The following ALOX5AP variants were observed in gnomAD, a reference collection of about 807,000 sequenced individuals.
ALOX5AP encodes arachidonate 5-lipoxygenase activating protein.
In ALOX5AP, 9 loss-of-function variants were observed where a neutral mutation model predicts 18.5. That is an observed-to-expected ratio of 0.49 (90% confidence interval 0.29 to 0.85). ALOX5AP has a LOEUF of 0.85. Among genes scored for constraint, ALOX5AP ranks in the 40% least tolerant of loss-of-function variants. The pLI is 0.08. For synonymous variants in ALOX5AP, 81 were observed against 78.6 expected (o/e 1.03, Z -0.16); for missense variants, 172 against 202.5 (o/e 0.85, Z 0.91).
intron 3 of ALOX5AP, among the ~76,000 whole-genome samples, chr13:30,755,538 T>G (rs1024597571): frequency 1.1e-4 from 16 of 152,310 alleles, no homozygotes; most frequent in Non-Finnish European, 1.3e-4. Context: ...TCCAGTCTTT[T>G]GGGTTCCCTG....
At chr13:30,761,609 C>A (rs1476092862) in intron 4 of ALOX5AP, among the ~76,000 whole-genome samples, 3 of 152,214 alleles carry the variant, frequency 2.0e-5, no homozygotes, top group African/African-American at 7.2e-5. Flanking sequence ...CAAAGCACTG[C>A]AGCCTGGGGG....
upstream of ALOX5AP, among the ~76,000 whole-genome samples, chr13:30,734,030 TG>T (rs1223075532): frequency 1.3e-5 from 2 of 152,224 alleles, no homozygotes; most frequent in African/African-American, 2.4e-5. Flanking sequence ...AGCTTGCAGA[TG>T]GCAAACCATG....
intron 1 of ALOX5AP, among the ~76,000 whole-genome samples, chr13:30,717,129 C>T (rs1259250964): frequency 1.3e-5 from 2 of 152,214 alleles, no homozygotes; most frequent in Non-Finnish European, 2.9e-5. Context: ...ACACCATGAC[C>T]CAATGTCCCC....
intron 1 of ALOX5AP, among the ~76,000 whole-genome samples, chr13:30,725,561 C>T (rs1459774124): frequency 2.0e-5 from 3 of 152,250 alleles, no homozygotes; most frequent in Non-Finnish European, 4.4e-5. Context: ...GCCAATATGG[C>T]ACCATTCCCT....
At chr13:30,742,048 C>T (rs1403866432) in intron 1 of ALOX5AP, among the ~76,000 whole-genome samples, 7 of 151,826 alleles carry the variant, frequency 4.6e-5, no homozygotes, top group Non-Finnish European at 7.4e-5. Context: ...CTGGGCCTGG[C>T]GGCTCACGCC....
intron 1 of ALOX5AP, among the ~76,000 whole-genome samples, chr13:30,716,025 T>C (rs1951547734): frequency 6.6e-6 from 1 of 152,112 alleles, no homozygotes; most frequent in Non-Finnish European, 1.5e-5. Flanking sequence ...GGGATCTGAG[T>C]AACTAGGGCT....
intron 1 of ALOX5AP, among the ~76,000 whole-genome samples, chr13:30,714,786 A>C (rs1274637167): frequency 6.6e-6 from 1 of 152,172 alleles, no homozygotes; most frequent in Non-Finnish European, 1.5e-5. Context: ...CACCCTGGGC[A>C]CTTGTTGAAT....
At chr13:30,725,796 G>A (rs369836750) in intron 1 of ALOX5AP, among the ~76,000 whole-genome samples, 71 of 152,306 alleles carry the variant, frequency 4.7e-4, no homozygotes, top group African/African-American at 1.6e-3. Context: ...TTACAGCAAA[G>A]GAAGTACAGA....
chr13:30,720,543 G>A (rs547283520), intron 1 of ALOX5AP, among the ~76,000 whole-genome samples: 2 of 152,322 alleles, frequency 1.3e-5, no homozygotes, highest in South Asian at 2.1e-4. Context: ...ACATGTAGGA[G>A]TCAGAAAATT....
At chr13:30,716,547 G>A (rs1323993742) in intron 1 of ALOX5AP, among the ~76,000 whole-genome samples, 3 of 152,150 alleles carry the variant, frequency 2.0e-5, no homozygotes, top group African/African-American at 7.2e-5. Flanking sequence ...GAGACTAAGG[G>A]GGTCAATCTA....
At chr13:30,758,324 G>C (rs1369087509) in intron 4 of ALOX5AP, among the ~76,000 whole-genome samples, 1 of 152,162 alleles carries the variant, frequency 6.6e-6, no homozygotes, top group Non-Finnish European at 1.5e-5. Flanking sequence ...CTGTTCCTGG[G>C]CTATGTCACA....
chr13:30,716,069 A>G (rs1951547970), intron 1 of ALOX5AP, among the ~76,000 whole-genome samples: 1 of 152,222 alleles, frequency 6.6e-6, no homozygotes, highest in African/African-American at 2.4e-5. Context: ...ACCACATGCT[A>G]AGGAAGAGAT....
intron 4 of ALOX5AP, among the ~76,000 whole-genome samples, chr13:30,758,825 C>CACCT (rs17239256): frequency 0.076 from 11,536 of 151,322 alleles, 681 homozygotes; most frequent in African/African-American, 0.16. Flanking sequence ...CACCTCATCT[C>CACCT]ACCTCACCTT....
At chr13:30,714,894 A>T (rs529414299) in intron 1 of ALOX5AP, among the ~76,000 whole-genome samples, 27 of 152,024 alleles carry the variant, frequency 1.8e-4, no homozygotes, top group Non-Finnish European at 3.4e-4. Flanking sequence ...CCTGGCACTT[A>T]TCATATTACC....
chr13:30,725,113 G>C (rs369168657), intron 1 of ALOX5AP, among the ~76,000 whole-genome samples: 4 of 152,246 alleles, frequency 2.6e-5, no homozygotes, highest in African/African-American at 9.6e-5. Flanking sequence ...AATACAAGTG[G>C]GTGTTCATTT....
chr13:30,734,779 G>C (rs939164320), upstream of ALOX5AP, among the ~76,000 whole-genome samples: 1 of 152,118 alleles, frequency 6.6e-6, no homozygotes, highest in African/African-American at 2.4e-5. Context: ...GAATTCTTTG[G>C]TTTAATTTAT....
At chr13:30,729,595 T>C (rs992797469) in intron 1 of ALOX5AP, among the ~76,000 whole-genome samples, 2 of 147,560 alleles carry the variant, frequency 1.4e-5, no homozygotes, top group South Asian at 2.2e-4. Context: ...TTTTTTTTTT[T>C]AGATGGGGTC....
intron 2 of ALOX5AP, among the ~76,000 whole-genome samples, chr13:30,749,763 G>T (rs1951837118): frequency 6.6e-6 from 1 of 152,082 alleles, no homozygotes; most frequent in African/African-American, 2.4e-5. Flanking sequence ...TGGATTCCAG[G>T]GTAGGTTTCT....
chr13:30,760,748 C>T (rs1466655365), intron 4 of ALOX5AP, among the ~76,000 whole-genome samples: 1 of 152,126 alleles, frequency 6.6e-6, no homozygotes, highest in East Asian at 1.9e-4. Context: ...TTACAATACG[C>T]CCCCATAGGA....
Sources: allele counts gnomAD v4.1 joint callset (sites outside exome capture counted in the v4.1 genomes callset), GRCh38; gene constraint gnomAD v4.1.1; transcripts MANE v1.5; gene names NCBI Gene and HGNC (gene_info 2026-07-23, HGNC 2026-07-21).